The following ALLC variants were observed in gnomAD, a reference collection of about 807,000 sequenced individuals.
ALLC encodes allantoicase.
A neutral mutation model predicts 45.0 loss-of-function variants in ALLC; 40 were observed. The observed-to-expected ratio is 0.89, with a 90% CI of 0.69 to 1.16. The LOEUF (loss-of-function observed/expected upper bound fraction) is 1.16, where lower values mean the gene tolerates loss of function less well. Ranked by LOEUF, ALLC falls within the 50% of genes most tolerant of loss-of-function variation. ALLC has a pLI of 0.00. For missense variants in ALLC, 488 were observed against 493.1 expected (o/e 0.99, Z 0.10); for synonymous variants, 176 against 178.1 (o/e 0.99, Z 0.09).
intron 10 of ALLC, among the ~76,000 whole-genome samples, chr2:3,699,782 G>A (rs935709016): frequency 1.3e-5 from 2 of 152,108 alleles, no homozygotes; most frequent in African/African-American, 4.8e-5. Context: ...ATGCTTGTTG[G>A]CTGCATGTAT....
chr2:3,646,381 C>T, the ALLC span, among the ~76,000 whole-genome samples: 42 of 152,336 alleles, frequency 2.8e-4, no homozygotes, highest in African/African-American at 9.4e-4. Flanking sequence ...CTTCAGCCAG[C>T]ACCCATGAAC....
chr2:3,653,093 C>T, the ALLC span, among the ~76,000 whole-genome samples: 1 of 152,162 alleles, frequency 6.6e-6, no homozygotes, highest in East Asian at 1.9e-4. The surrounding 1 kb of genome is among the most constrained non-coding windows in gnomAD (Gnocchi z 4.1). Flanking sequence ...AGTAACTGGC[C>T]TGAACATGTC....
chr2:3,664,490 G>T (rs1666646694), intron 1 of ALLC, among the ~76,000 whole-genome samples: 1 of 152,186 alleles, frequency 6.6e-6, no homozygotes, highest in African/African-American at 2.4e-5. Context: ...AAGCTTGCAG[G>T]CATGGGGGTC....
chr2:3,689,833 G>A (rs1667423820), intron 7 of ALLC, among the ~76,000 whole-genome samples: 1 of 150,514 alleles, frequency 6.6e-6, no homozygotes, highest in Non-Finnish European at 1.5e-5. Flanking sequence ...TTGTATTGCA[G>A]TCTATTTATC....
At chr2:3,652,892 G>GACT in the ALLC span, among the ~76,000 whole-genome samples, 1 of 152,152 alleles carries the variant, frequency 6.6e-6, no homozygotes, top group Non-Finnish European at 1.5e-5. Flanking sequence ...AAAACTTAGT[G>GACT]ATTTTAAATA....
rs1470927860 is a variant in ALLC, at chr2:3,683,091, C to G, written c.511+17C>G. Reference sequence around the variant, plus strand: ...TTTTCCCAGGTAATCGTGACATGGACTTATCACCAGTTCCATGGCTTCTTT... The same window carrying G: ...TTTTCCCAGGTAATCGTGACATGGAGTTATCACCAGTTCCATGGCTTCTTT... On this transcript the variant is annotated intron_variant, in intron 7 of 11. Transcript: ENST00000252505. 2.5e-6 allele frequency: 4 copies of G among 1,607,116 alleles called. No homozygotes were observed. The East Asian group carries it at 8.9e-5, about 36-fold the overall frequency.
chr2:3,667,526 G>A (rs987456374), intron 1 of ALLC, among the ~76,000 whole-genome samples: 5 of 152,156 alleles, frequency 3.3e-5, no homozygotes, highest in Admixed American at 1.3e-4. Flanking sequence ...TTGCAGCTGC[G>A]GGCTGTGACA....
intron 7 of ALLC, among the ~76,000 whole-genome samples, chr2:3,693,334 T>C (rs908165725): frequency 4.6e-5 from 7 of 152,118 alleles, no homozygotes; most frequent in Admixed American, 3.9e-4. Flanking sequence ...TGCTTTAAAG[T>C]GAGACATGAA....
Position 3,680,358 on chromosome 2 carries a change from T to A in ALLC, c.298+364T>A, listed in dbSNP as rs900903893. Among the ~76,000 whole-genome samples the A allele has an allele frequency of 6.6e-6, 1 of 152,136 alleles. No homozygotes were observed. Among genetic ancestry groups the A allele is most frequent in the Non-Finnish European group, 1.5e-5 (1 of 68,016 alleles). The stretch of plus-strand genomic sequence containing the variant: ...GATGTGGACCCAGGTCTGGGACAGC[T>A]GTGGGGTGAGCAGCACCAGCCCTGC... On this transcript the variant is annotated intron_variant, in intron 5 of 11. Transcript: ENST00000252505. The surrounding 1 kb of genome is among the most constrained non-coding windows in gnomAD (Gnocchi z 4.0).
Position 3,682,984 on chromosome 2 carries a change from C to G in ALLC, c.421C>G (p.Leu141Val). Residue 141 changes from leucine (L) to valine (V), a missense_variant, in exon 7 of 12, where the codon CTT becomes GTT. By Grantham distance (32) the Leu-to-Val change is conservative. Transcript: ENST00000252505. ...GAGTTACTTGGTTCCCATGACTGAG[C>G]TTAAGCCAGGAAACCCTGCTTCCGG... is the stretch of plus-strand genomic sequence containing the variant. ...DWSYLVPMTE[L>V]KPGNPASGHN... is the part of the protein sequence containing the mutation. 1.2e-6 allele frequency: 2 copies of G among 1,614,008 alleles called. No homozygotes were observed. The highest frequency in any genetic ancestry group is 1.7e-6 in the Non-Finnish European group (2 of 1,179,874).
At chr2:3,702,238 A>G (rs1235475927) in intron 11 of ALLC, 125 bp from the exon 12 acceptor site, 5 of 742,552 alleles carry the variant, frequency 6.7e-6, no homozygotes, top group South Asian at 2.1e-5. Flanking sequence ...ATTATCATCA[A>G]TTAATAACTT....
chr2:3,692,861 T>C (rs1411315321), intron 7 of ALLC, among the ~76,000 whole-genome samples: 1 of 152,090 alleles, frequency 6.6e-6, no homozygotes, highest in Non-Finnish European at 1.5e-5. Context: ...TATCTCAAGG[T>C]AGGACCCTGT....
intron 7 of ALLC, chr2:3,694,972 C>A (rs947426771): frequency 9.9e-5 from 15 of 152,162 alleles, no homozygotes; most frequent in African/African-American, 3.1e-4. Flanking sequence ...TTTCAGGCTG[C>A]TGTGGTTCTC....
chr2:3,652,645 A>G, the ALLC span, among the ~76,000 whole-genome samples: 20 of 131,880 alleles, frequency 1.5e-4, no homozygotes, highest in African/African-American at 5.8e-4. Flanking sequence ...GCTGGAATGC[A>G]GTGGCGTGAT....
chr2:3,661,012 A>G (rs1254368266), intron 1 of ALLC, among the ~76,000 whole-genome samples: 1 of 152,222 alleles, frequency 6.6e-6, no homozygotes, highest in Non-Finnish European at 1.5e-5. Context: ...TATATCTAAC[A>G]CTGTTTTTTT....
chr2:3,664,908 C>A (rs1187842294), intron 1 of ALLC, among the ~76,000 whole-genome samples: 1 of 150,814 alleles, frequency 6.6e-6, no homozygotes, highest in African/African-American at 2.4e-5. Flanking sequence ...AAACCAAAAC[C>A]CCCCCCCAAA....
intron 1 of ALLC, among the ~76,000 whole-genome samples, chr2:3,666,973 AATTTC>A (rs1666742269): frequency 6.6e-6 from 1 of 152,142 alleles, no homozygotes; most frequent in Non-Finnish European, 1.5e-5. Context: ...AGTTTTATAT[AATTTC>A]AAGTAACTGA....
At chr2:3,653,293 C>T (rs1371031243), upstream of ALLC, among the ~76,000 whole-genome samples, 2 of 152,184 alleles carry the variant, frequency 1.3e-5, no homozygotes, top group African/African-American at 4.8e-5. This position sits in a 1 kb window ranked among gnomAD's most constrained non-coding sequence, Gnocchi z 4.1. Flanking sequence ...TTCCATTGCA[C>T]AGGGGTGTGA....
chr2:3,701,484 A>G (rs753013190), intron 10 of ALLC, 28 bp from the exon 11 acceptor site: 1 of 1,558,024 alleles, frequency 6.4e-7, no homozygotes, highest in Non-Finnish European at 8.7e-7. Flanking sequence ...ATGCGGGCAG[A>G]AAATCACGCT....
Sources: gnomAD v4.1 joint callset for allele counts (sites outside exome capture counted in the v4.1 genomes callset) on GRCh38, gnomAD v4.1.1 for gene constraint, Gnocchi (gnomAD v3.1) non-coding constraint, MANE v1.5 for transcripts, NCBI Gene and HGNC (gene_info 2026-07-23, HGNC 2026-07-21) for gene names.